HEATR3: variants seen among roughly 807,000 people sequenced by gnomAD.
HEATR3 encodes HEAT repeat containing 3, also known as HEAT repeat-containing protein 3.
HEATR3 carries 56 observed loss-of-function variants against 72.8 expected under a neutral mutation model. The observed-to-expected ratio is 0.77, with a 90% CI of 0.62 to 0.96. The LOEUF (loss-of-function observed/expected upper bound fraction) is 0.96, where lower values mean the gene tolerates loss of function less well. Among genes scored for constraint, HEATR3 ranks in the 40% least tolerant of loss-of-function variants. The pLI is 0.00. For synonymous variants in HEATR3, 331 were observed against 318.1 expected (o/e 1.04, Z -0.43); for missense variants, 747 against 831.4 (o/e 0.90, Z 1.25).
rs2037479125 is a variant in HEATR3, at chr16:50,105,937, C to T, written c.*876C>T. 6.6e-6 allele frequency: 1 copy of T among 152,082 alleles called. No homozygotes were observed. The highest frequency in any genetic ancestry group is 6.6e-5 in the Admixed American group (1 of 15,244). 9.4% of individuals were successfully genotyped at this position (152,082 alleles called of 1,614,324 possible). On this transcript the variant is annotated 3_prime_UTR_variant, in exon 15 of 15. Coordinates refer to ENST00000299192, the MANE Select transcript of HEATR3 (RefSeq NM_182922.4). ...AGCGCTCTCTAAATTATGTCTCTGG[C>T]ATATTTTAATCACTGGAAACTCAAA... is the stretch of plus-strand genomic sequence containing the variant.
chr16:50,102,480 G>T lies in HEATR3; in HGVS notation c.1920+45G>T, dbSNP rs577149330. 3.2e-6 allele frequency: 5 copies of T among 1,569,278 alleles called. No individual in the cohort carries two copies. The East Asian group carries it at 6.7e-5, about 21-fold the overall frequency. On this transcript the variant is annotated intron_variant, in intron 14 of 14. Transcript: ENST00000299192. The stretch of plus-strand genomic sequence containing the variant: ...ATAAATACATAAGTCTGAACATTCT[G>T]TGGGGACAAGGGTGTGTGTAGTTAC...
Position 50,096,952 on chromosome 16 carries a change from C to A in HEATR3, c.1599+2159C>A, listed in dbSNP as rs775566640. Among the ~76,000 whole-genome samples the A allele has an allele frequency of 9.5e-4, 145 of 152,194 alleles. 1 individual carries two copies. Among genetic ancestry groups the A allele is most frequent in the Non-Finnish European group, 2.0e-3 (133 of 68,044 alleles). On this transcript the variant is annotated intron_variant, in intron 12 of 14. Coordinates refer to ENST00000299192, the MANE Select transcript of HEATR3 (RefSeq NM_182922.4). ...ATTTTGTTCCGTAGCATTTTCTGCA[C>A]TGGCAGATTTGGCCAACTCATCATG...
intron 4 of HEATR3, among the ~76,000 whole-genome samples, chr16:50,070,913 G>A (rs1346952289): frequency 2.6e-5 from 4 of 152,184 alleles, no homozygotes; most frequent in Non-Finnish European, 4.4e-5. Flanking sequence ...AGCAGAATTT[G>A]TCTTTAAGCT....
At chr16:50,081,157 T>A (rs1034293365) in intron 7 of HEATR3, among the ~76,000 whole-genome samples, 2 of 152,240 alleles carry the variant, frequency 1.3e-5, no homozygotes, top group Non-Finnish European at 2.9e-5. Flanking sequence ...TAAAGTCTTC[T>A]GGCCAGGTGT....
chr16:50,093,552 A>G (rs530745295), intron 11 of HEATR3, among the ~76,000 whole-genome samples: 1 of 152,284 alleles, frequency 6.6e-6, no homozygotes, highest in Admixed American at 6.5e-5. Context: ...TTCACATCCT[A>G]CGGTGCCCAG....
intron 4 of HEATR3, among the ~76,000 whole-genome samples, chr16:50,070,875 C>T (rs562604376): frequency 2.0e-5 from 3 of 152,168 alleles, no homozygotes; most frequent in Non-Finnish European, 4.4e-5. Context: ...TGTGGCTCCT[C>T]CTTTCCCCCG....
intron 1 of HEATR3, 30 bp downstream of exon 1, chr16:50,066,299 G>GCGAGA (rs2036489305): frequency 6.3e-7 from 1 of 1,576,760 alleles, no homozygotes; most frequent in Non-Finnish European, 8.6e-7. Context: ...GGGCCGGGAG[G>GCGAGA]CGAGACGAGG....
At chr16:50,095,426 T>A (rs116491369) in intron 12 of HEATR3, among the ~76,000 whole-genome samples, 12,418 of 112,344 alleles carry the variant, frequency 0.11, 606 homozygotes, top group East Asian at 0.31. Context: ...TTTTTTTTTT[T>A]AACATTTCAT....
intron 3 of HEATR3, 118 bp downstream of exon 3, chr16:50,068,985 C>A (rs2150594502): frequency 1.5e-6 from 1 of 685,336 alleles, no homozygotes; most frequent in Non-Finnish European, 2.6e-6. Flanking sequence ...AAATTTCATT[C>A]CTTTTCCTGG....
intron 12 of HEATR3, chr16:50,098,267 T>C (rs2037288523): frequency 6.6e-6 from 1 of 152,200 alleles, no homozygotes; most frequent in Non-Finnish European, 1.5e-5. Flanking sequence ...TATTTGCAGC[T>C]GGTCTGATGG....
At chr16:50,096,324 CAAA>C (rs59995532) in intron 12 of HEATR3, among the ~76,000 whole-genome samples, 35 of 86,790 alleles carry the variant, frequency 4.0e-4, no homozygotes, top group Middle Eastern at 6.6e-3. Flanking sequence ...GACTCCGTCT[CAAA>C]AAAAAAAAAA....
chr16:50,068,418 G>T (rs1302068109), intron 2 of HEATR3, among the ~76,000 whole-genome samples: 2 of 152,120 alleles, frequency 1.3e-5, no homozygotes, highest in African/African-American at 4.8e-5. Flanking sequence ...GGGATTACAG[G>T]TGTGAGCCAC....
intron 11 of HEATR3, among the ~76,000 whole-genome samples, chr16:50,092,243 G>A (rs1319119806): frequency 6.6e-6 from 1 of 151,872 alleles, no homozygotes; most frequent in African/African-American, 2.4e-5. Flanking sequence ...GGCTGAGGCA[G>A]GAGCTGATTG....
rs779566964 is a variant in HEATR3 at position 50,075,632 on chromosome 16, A to G, written c.684A>G (p.Thr228=). ...AGCTGCTGAAGTCTTTCAGTGCTACAGCATTGAACATGCTGGAATCAGCAC... is the reference window on the plus strand; with the variant it reads ...AGCTGCTGAAGTCTTTCAGTGCTACGGCATTGAACATGCTGGAATCAGCAC... ...NPELLKSFSA[T]ALNMLESALL... Residue 228 remains threonine (T), a synonymous_variant, in exon 6 of 15, where the codon ACA becomes ACG. Transcript: ENST00000299192. 1.9e-6 allele frequency: 3 copies of G among 1,613,684 alleles called. No homozygotes were observed. The highest frequency in any genetic ancestry group is 2.2e-5 in the South Asian group (2 of 91,078).
chr16:50,069,746 T>C (rs2036570301), intron 3 of HEATR3, among the ~76,000 whole-genome samples: 1 of 152,216 alleles, frequency 6.6e-6, no homozygotes, highest in African/African-American at 2.4e-5. Flanking sequence ...AGTCAAATGC[T>C]AGGGCCTGAA....
chr16:50,093,272 C>T (rs953515405), intron 11 of HEATR3, among the ~76,000 whole-genome samples: 2 of 152,168 alleles, frequency 1.3e-5, no homozygotes, highest in Admixed American at 6.5e-5. Flanking sequence ...TCTATTGCTA[C>T]GTAACAAGTT....
intron 4 of HEATR3, among the ~76,000 whole-genome samples, chr16:50,070,971 G>T (rs74021009): frequency 2.4e-3 from 368 of 152,282 alleles, no homozygotes; most frequent in African/African-American, 8.4e-3. Context: ...TCTAGACTGA[G>T]ATGGGGACCA....
chr16:50,103,150 T>C (rs1263444654), intron 14 of HEATR3, among the ~76,000 whole-genome samples: 1 of 152,150 alleles, frequency 6.6e-6, no homozygotes, highest in Non-Finnish European at 1.5e-5. Flanking sequence ...TCCCTGCAGC[T>C]TCAAGGAAAG....
At chr16:50,071,719 G>T (rs1236018993) in intron 4 of HEATR3, among the ~76,000 whole-genome samples, 1 of 152,162 alleles carries the variant, frequency 6.6e-6, no homozygotes, top group East Asian at 1.9e-4. Context: ...TAGAAGATAT[G>T]AAATATTTTT....
Sources: allele counts gnomAD v4.1 joint callset (sites outside exome capture counted in the v4.1 genomes callset), GRCh38; gene constraint gnomAD v4.1.1; transcripts MANE v1.5; gene names NCBI Gene and HGNC (gene_info 2026-07-23, HGNC 2026-07-21).